CNBD2: variants seen among roughly 807,000 people sequenced by gnomAD.
The protein encoded by CNBD2 is cyclic nucleotide-binding domain-containing protein 2.
In CNBD2, 64 loss-of-function variants were observed where a neutral mutation model predicts 63.7. That is an observed-to-expected ratio of 1.00 (90% CI 0.82 to 1.24). CNBD2 has a LOEUF of 1.24. Ranked by LOEUF, CNBD2 falls within the 50% of genes most tolerant of loss-of-function variation. The probability of loss-of-function intolerance (pLI) is 0.00; values close to 1 mark genes in which losing one functional copy is unlikely to be tolerated. For missense variants in CNBD2, 691 were observed against 713.5 expected (o/e 0.97, Z 0.36); for synonymous variants, 229 against 255.4 (o/e 0.90, Z 0.99).
chr20:36,015,877 CCTAA>C (rs2057126115), intron 10 of CNBD2, among the ~76,000 whole-genome samples: 1 of 152,066 alleles, frequency 6.6e-6, no homozygotes, highest in Non-Finnish European at 1.5e-5. Context: ...GGAGAGAGTG[CCTAA>C]CTCTCTACTT....
intron 8 of CNBD2, among the ~76,000 whole-genome samples, chr20:35,997,150 C>T (rs1434357542): frequency 1.3e-5 from 2 of 152,044 alleles, no homozygotes; most frequent in Non-Finnish European, 2.9e-5. Context: ...TTTTGTGTCA[C>T]CCACTTGGGT....
intron 10 of CNBD2, among the ~76,000 whole-genome samples, chr20:36,019,683 A>C (rs1486845513): frequency 6.6e-6 from 1 of 152,078 alleles, no homozygotes; most frequent in African/African-American, 2.4e-5. Context: ...GAACAGACTA[A>C]GCAAGGCAGC....
intron 10 of CNBD2, among the ~76,000 whole-genome samples, chr20:36,022,217 T>TTTTTTTTTTTTTG (rs561441076): frequency 1.1e-3 from 118 of 107,124 alleles, no homozygotes; most frequent in Middle Eastern, 6.6e-3. Context: ...TTTTTTTTTT[T>TTTTTTTTTTTTTG]GAGATGGAGT....
intron 4 of CNBD2, among the ~76,000 whole-genome samples, chr20:35,982,132 T>A (rs971860107): frequency 6.6e-6 from 1 of 151,696 alleles, no homozygotes; most frequent in Non-Finnish European, 1.5e-5. Flanking sequence ...AGCCAGCGAG[T>A]CAGGAAGGAG....
At position 35,972,700 on chromosome 20, in the gene CNBD2, G is replaced by C. The variant is rs766506994; in HGVS notation, c.123G>C (p.Arg41Ser). ...GTAAAATGTTCCGCCAAGGCCTCAG[G>C]GGATTCCGGGAATATCAAATCATTG... ...RVCKMFRQGL[R>S]GFREYQIIET... Residue 41 changes from arginine to serine, a missense_variant, in exon 2 of 12, where the codon AGG becomes AGC. Transcript: ENST00000373973. 5 of 1,613,876 alleles carry C rather than the reference G, an allele frequency of 3.1e-6. No individual in the cohort carries two copies. Among genetic ancestry groups the C allele is most frequent in the African/African-American group, 2.7e-5 (2 of 74,880 alleles).
At chr20:36,007,990 C>G (rs1442182852) in intron 8 of CNBD2, among the ~76,000 whole-genome samples, 1 of 152,092 alleles carries the variant, frequency 6.6e-6, no homozygotes, top group Non-Finnish European at 1.5e-5. Context: ...ATCCAAGAGA[C>G]CTGAGTTCAA....
At chr20:36,012,722 T>C (rs2147336868) in intron 10 of CNBD2, among the ~76,000 whole-genome samples, 2 of 150,140 alleles carry the variant, frequency 1.3e-5, no homozygotes, top group African/African-American at 4.9e-5. Flanking sequence ...CTCGGGAGGC[T>C]GTGTCAGGAG....
At chr20:35,980,142 G>A (rs2056575748) in intron 3 of CNBD2, among the ~76,000 whole-genome samples, 1 of 152,216 alleles carries the variant, frequency 6.6e-6, no homozygotes, top group Non-Finnish European at 1.5e-5. Flanking sequence ...GGAGCCCAGG[G>A]AAGCCTGTAT....
upstream of CNBD2, among the ~76,000 whole-genome samples, chr20:35,967,455 T>C (rs758378255): frequency 3.3e-5 from 5 of 150,286 alleles, no homozygotes; most frequent in Non-Finnish European, 4.4e-5. Context: ...TTTCACCACA[T>C]TGGCCAGGCT....
At chr20:35,976,351 G>A (rs2147219226) in intron 3 of CNBD2, among the ~76,000 whole-genome samples, 1 of 152,312 alleles carries the variant, frequency 6.6e-6, no homozygotes. Context: ...TTCAGGTGGT[G>A]GGAAAGGGCT....
intron 8 of CNBD2, among the ~76,000 whole-genome samples, chr20:35,995,903 G>A (rs1446543132): frequency 2.0e-5 from 3 of 152,146 alleles, no homozygotes; most frequent in Non-Finnish European, 4.4e-5. Flanking sequence ...TTATAGTTCT[G>A]GAGGCTAGGG....
intron 2 of CNBD2, among the ~76,000 whole-genome samples, chr20:35,975,150 C>G (rs1311663843): frequency 7.5e-6 from 1 of 133,996 alleles, no homozygotes; most frequent in Non-Finnish European, 1.6e-5. Flanking sequence ...TACAGGCGCC[C>G]GCTACCACGC....
At chr20:35,995,179 C>G in intron 8 of CNBD2, 27 bp downstream of exon 8, 2 of 1,506,634 alleles carry the variant, frequency 1.3e-6, no homozygotes, top group Non-Finnish European at 9.2e-7. Context: ...TGTCTGACAG[C>G]AGGGGGCGCC....
intron 1 of CNBD2, among the ~76,000 whole-genome samples, chr20:35,969,578 T>G (rs962535712): frequency 1.3e-5 from 2 of 152,144 alleles, no homozygotes; most frequent in African/African-American, 2.4e-5. Flanking sequence ...TGTTTAAAAA[T>G]GATACCATAA....
intron 11 of CNBD2, among the ~76,000 whole-genome samples, chr20:36,026,181 G>T (rs1460068197): frequency 6.6e-6 from 1 of 152,082 alleles, no homozygotes; most frequent in Non-Finnish European, 1.5e-5. Context: ...CAACAGGCAG[G>T]CGCCACCATG....
At chr20:35,984,837 TTGTC>T in intron 6 of CNBD2, 59 bp downstream of exon 6, 2 of 1,562,088 alleles carry the variant, frequency 1.3e-6, no homozygotes, top group South Asian at 1.1e-5. Context: ...CTGCCTGACT[TTGTC>T]TGTCCTAGGC....
At chr20:35,960,702 C>G (rs988727383) in intron 2 of CNBD2, among the ~76,000 whole-genome samples, 3 of 690 alleles carry the variant, frequency 4.3e-3, no homozygotes, top group Non-Finnish European at 7.7e-3. Context: ...TCTTCTCTTC[C>G]CTTCTCTTCC....
At chr20:35,998,306 G>A (rs1435996675) in intron 8 of CNBD2, among the ~76,000 whole-genome samples, 1 of 151,890 alleles carries the variant, frequency 6.6e-6, no homozygotes, top group Admixed American at 6.6e-5. Context: ...CTCCCAAAGT[G>A]CTGGGATTAT....
At chr20:35,969,066 T>G (rs1421615868) in intron 1 of CNBD2, among the ~76,000 whole-genome samples, 1 of 152,088 alleles carries the variant, frequency 6.6e-6, no homozygotes, top group East Asian at 1.9e-4. Flanking sequence ...TATTATGAGA[T>G]CCAGAGAGAA....
Sources: allele counts gnomAD v4.1 joint callset (sites outside exome capture counted in the v4.1 genomes callset), GRCh38; gene constraint gnomAD v4.1.1; transcripts MANE v1.5; gene names NCBI Gene and HGNC (gene_info 2026-07-23, HGNC 2026-07-21).